The following SOX6 variants were observed in gnomAD, a reference collection of about 807,000 sequenced individuals.
SOX6 encodes transcription factor SOX-6.
A neutral mutation model predicts 97.8 loss-of-function variants in SOX6; 11 were observed. The observed-to-expected ratio is 0.11, with a 90% CI of 0.07 to 0.19. The LOEUF (loss-of-function observed/expected upper bound fraction) is 0.19. SOX6 is among the 10% of genes least tolerant of loss of function. SOX6 has a pLI of 1.00. For missense variants in SOX6, 810 were observed against 1,039.5 expected, an observed-to-expected ratio of 0.78 and a Z score of 3.04; for synonymous variants, 360 against 371.4, an observed-to-expected ratio of 0.97 and a Z score of 0.35.
At chr11:16,287,719 C>T (rs1386427913) in intron 3 of SOX6, among the ~76,000 whole-genome samples, 1 of 152,016 alleles carries the variant, frequency 6.6e-6, no homozygotes, top group African/African-American at 2.4e-5. Flanking sequence ...AAACTGTAAA[C>T]TATGTACGAT....
At chr11:16,646,078 G>A (rs1046215621) in intron 3 of SOX6, 1 of 152,246 alleles carries the variant, frequency 6.6e-6, no homozygotes, top group Non-Finnish European at 1.5e-5. Flanking sequence ...TGTTCTCCAA[G>A]TACCTTTTCA....
chr11:16,416,634 T>C (rs1431222396), intron 1 of SOX6, among the ~76,000 whole-genome samples: 1 of 152,178 alleles, frequency 6.6e-6, no homozygotes. Flanking sequence ...ACTAAATCAT[T>C]CTCAGCAGCA....
chr11:16,112,086 C>G (rs562092626), intron 6 of SOX6, among the ~76,000 whole-genome samples, 163 bp from the exon 7 acceptor site: 3 of 152,266 alleles, frequency 2.0e-5, no homozygotes, highest in South Asian at 2.1e-4. Context: ...CCACCAAATC[C>G]CTTTTCTGAG....
At chr11:16,027,169 A>C (rs1385866209) in intron 12 of SOX6, among the ~76,000 whole-genome samples, 3 of 152,244 alleles carry the variant, frequency 2.0e-5, no homozygotes, top group Non-Finnish European at 4.4e-5. Context: ...CTCTTAAAAA[A>C]TACAATAAAA....
At chr11:16,477,330 A>T (rs983509111), upstream of SOX6, among the ~76,000 whole-genome samples, 2 of 152,222 alleles carry the variant, frequency 1.3e-5, no homozygotes, top group African/African-American at 4.8e-5. Context: ...AGCTAACTAG[A>T]TTTAAATAAA....
At chr11:16,122,787 C>T (rs1056351663) in intron 6 of SOX6, among the ~76,000 whole-genome samples, 3 of 151,906 alleles carry the variant, frequency 2.0e-5, no homozygotes, top group Non-Finnish European at 4.4e-5. Context: ...CAAATATTTG[C>T]TATATAAATG....
At chr11:16,546,107 A>G (rs1847618314) in intron 4 of SOX6, among the ~76,000 whole-genome samples, 1 of 145,294 alleles carries the variant, frequency 6.9e-6, no homozygotes, top group South Asian at 2.2e-4. Flanking sequence ...TACAAAAGCA[A>G]CAACAAAAAA....
intron 4 of SOX6, among the ~76,000 whole-genome samples, chr11:16,498,075 G>A (rs1393727310): frequency 3.3e-5 from 5 of 152,126 alleles, no homozygotes; most frequent in East Asian, 1.9e-4. Context: ...GAGAAAGGTC[G>A]GGTTACCCAC....
chr11:16,505,038 G>A (rs1007772635), intron 4 of SOX6, among the ~76,000 whole-genome samples: 2 of 152,158 alleles, frequency 1.3e-5, no homozygotes, highest in African/African-American at 4.8e-5. Context: ...AAGGAAAGTG[G>A]GACATTTCTA....
chr11:16,197,579 G>A (rs1364302087), intron 4 of SOX6, among the ~76,000 whole-genome samples: 1 of 152,154 alleles, frequency 6.6e-6, no homozygotes, highest in Admixed American at 6.5e-5. Context: ...TTCTTTTATA[G>A]TTAAATATAG....
intron 12 of SOX6, among the ~76,000 whole-genome samples, chr11:16,037,076 G>T (rs1198613584): frequency 6.6e-6 from 1 of 152,040 alleles, no homozygotes; most frequent in Non-Finnish European, 1.5e-5. Context: ...ACAATCAAAT[G>T]ACTTCAAACT....
intron 1 of SOX6, 62 bp from the exon 2 acceptor site, chr11:16,341,314 T>C: frequency 3.8e-6 from 6 of 1,592,390 alleles, no homozygotes; most frequent in Non-Finnish European, 5.1e-6. Context: ...AAACCAATCC[T>C]TGCATTTGGC....
intron 4 of SOX6, among the ~76,000 whole-genome samples, chr11:16,597,988 C>A (rs1001472396): frequency 6.6e-6 from 1 of 151,982 alleles, no homozygotes; most frequent in Non-Finnish European, 1.5e-5. Flanking sequence ...GGGAAAGAAG[C>A]AAGTTATGTA....
Position 16,111,677 on chromosome 11 carries a change from A to G in SOX6, c.898+126T>C, listed in dbSNP as rs9666192. On this transcript the variant is annotated intron_variant, in intron 7 of 15. Coordinates refer to ENST00000683767, the MANE Select transcript of SOX6 (RefSeq NM_001367873.1). ...CTCTTCCCAATTCTAATTTTACTTT[A>G]AAATAAGCTTTTATGATATTTTTAT... The G allele has an allele frequency of 5.7e-3, 7,533 of 1,311,244 alleles. 294 individuals are homozygous for G. The African/African-American group carries it at 0.092, about 16-fold the overall frequency. The allele number at this position is 1,311,244 out of a possible 1,614,324, so 81.2% of individuals were successfully genotyped here.
At chr11:16,041,692 A>C (rs1855671328) in intron 12 of SOX6, among the ~76,000 whole-genome samples, 3 of 152,192 alleles carry the variant, frequency 2.0e-5, no homozygotes. Flanking sequence ...AATATATTAA[A>C]TAAGTAGGAA....
intron 2 of SOX6, among the ~76,000 whole-genome samples, chr11:16,732,027 T>C (rs1480163670): frequency 2.0e-5 from 3 of 152,152 alleles, no homozygotes; most frequent in African/African-American, 7.2e-5. Context: ...GAATACAACT[T>C]AGAATTGATG....
At position 16,247,533 on chromosome 11, in the gene SOX6, T is replaced by C. The variant is rs999935929; in HGVS notation, c.446-12862A>G. Reference sequence around the variant, plus strand: ...GGAGGCCTCAGGAAATTTACAATCATGGCAGAAGGGAAAGCAAACATGTCC... The same window carrying C: ...GGAGGCCTCAGGAAATTTACAATCACGGCAGAAGGGAAAGCAAACATGTCC... On this transcript the variant is annotated intron_variant, in intron 3 of 15. Transcript: ENST00000683767. Among the ~76,000 whole-genome samples, 12 of 152,240 alleles carry C rather than the reference T, an allele frequency of 7.9e-5. No homozygotes were observed. In the East Asian group the frequency reaches 1.2e-3, roughly 15 times the overall value.
intron 3 of SOX6, among the ~76,000 whole-genome samples, chr11:16,240,844 A>G (rs539132443): frequency 6.6e-6 from 1 of 152,170 alleles, no homozygotes; most frequent in South Asian, 2.1e-4. Flanking sequence ...CAATGTCAAA[A>G]TGTTGGTGAC....
intron 1 of SOX6, among the ~76,000 whole-genome samples, chr11:16,417,421 G>A (rs906671309): frequency 6.6e-6 from 1 of 152,172 alleles, no homozygotes; most frequent in Non-Finnish European, 1.5e-5. Context: ...TGGCAGGGCA[G>A]GCATTTACAA....
Sources: allele counts gnomAD v4.1 joint callset (sites outside exome capture counted in the v4.1 genomes callset), GRCh38; gene constraint gnomAD v4.1.1; transcripts MANE v1.5; gene names NCBI Gene and HGNC (gene_info 2026-07-23, HGNC 2026-07-21).